Variants in SV2B observed in about 807,000 individuals in gnomAD.
SV2B encodes synaptic vesicle glycoprotein 2B.
SV2B carries 41 observed loss-of-function variants against 73.9 expected under a neutral mutation model. That is an observed-to-expected ratio of 0.56 (90% CI 0.43 to 0.72). The LOEUF (loss-of-function observed/expected upper bound fraction) is 0.72. SV2B is among the 30% of genes least tolerant of loss of function. SV2B has a pLI of 0.00. For synonymous variants in SV2B, 314 were observed against 314.2 expected (o/e 1.00, Z 0.01); for missense variants, 764 against 857.8 (o/e 0.89, Z 1.37).
At chr15:91,134,154 A>G (rs1279188136) in intron 1 of SV2B, among the ~76,000 whole-genome samples, 2 of 151,752 alleles carry the variant, frequency 1.3e-5, no homozygotes, top group Non-Finnish European at 2.9e-5. Flanking sequence ...GTGCACCACC[A>G]CGCCTGGCTA....
chr15:91,116,846 G>A (rs8032126), intron 1 of SV2B, among the ~76,000 whole-genome samples: 66,084 of 152,020 alleles, frequency 0.43, 15,369 homozygotes, highest in Middle Eastern at 0.49. Context: ...GCAAAGGAAG[G>A]GCAAAGGCAT....
At chr15:91,202,417 A>G (rs542828307) in intron 1 of SV2B, among the ~76,000 whole-genome samples, 3 of 152,348 alleles carry the variant, frequency 2.0e-5, no homozygotes, top group Admixed American at 6.5e-5. Flanking sequence ...ATTAGTCACT[A>G]TTATGTTTAT....
chr15:91,205,092 T>C (rs886927903), intron 1 of SV2B, among the ~76,000 whole-genome samples: 7 of 152,204 alleles, frequency 4.6e-5, no homozygotes, highest in Non-Finnish European at 1.0e-4. Flanking sequence ...AGTTTATCCA[T>C]CCTTATTTCT....
chr15:91,135,313 C>G (rs7180202), intron 1 of SV2B, among the ~76,000 whole-genome samples: 5,868 of 152,280 alleles, frequency 0.039, 390 homozygotes, highest in African/African-American at 0.13. Flanking sequence ...GAGGCAATAT[C>G]CACCCCTTTG....
At chr15:91,166,055 T>C (rs1719704783) in intron 1 of SV2B, among the ~76,000 whole-genome samples, 1 of 152,212 alleles carries the variant, frequency 6.6e-6, no homozygotes, top group African/African-American at 2.4e-5. Flanking sequence ...GCTTCCATGA[T>C]TTCTTGTGAG....
chr15:91,250,847 G>A (rs2047454984), intron 2 of SV2B, among the ~76,000 whole-genome samples: 1 of 152,122 alleles, frequency 6.6e-6, no homozygotes, highest in African/African-American at 2.4e-5. Context: ...TTTATGAATA[G>A]AAAGAATTAA....
Position 91,140,429 on chromosome 15 carries a change from C to A in SV2B, c.-392+40066C>A, listed in dbSNP as rs533420360. On this transcript the variant is annotated intron_variant, in intron 1 of 12. Coordinates refer to ENST00000394232, the MANE Select transcript of SV2B (RefSeq NM_001323032.3). This position sits in a 1 kb window ranked among gnomAD's most constrained non-coding sequence, Gnocchi z 4.4. The stretch of plus-strand genomic sequence containing the variant: ...CCAGAGGAGGAGAACAAAAATATCA[C>A]CTTCTCAAAGGAAGCTTTAATTAGG... Among the ~76,000 whole-genome samples the A allele has an allele frequency of 2.6e-5, 4 of 152,322 alleles. No individual in the cohort carries two copies. The South Asian group carries it at 8.3e-4, about 32-fold the overall frequency.
rs986514704 is a variant in SV2B at position 91,229,543 on chromosome 15, T to G, written c.451+2829T>G. Among the ~76,000 whole-genome samples, 1 of 152,164 alleles carries G rather than the reference T, an allele frequency of 6.6e-6. No homozygotes were observed. The highest frequency in any genetic ancestry group is 1.5e-5 in the Non-Finnish European group (1 of 68,024). On this transcript the variant is annotated intron_variant, in intron 2 of 12. Coordinates refer to ENST00000394232, the MANE Select transcript of SV2B (RefSeq NM_001323032.3). The surrounding 1 kb of genome is among the most constrained non-coding windows in gnomAD (Gnocchi z 4.3). ...TGGATTTGAATCCTTGCTGTGCCAGTTCTTAGTAGTGTGGTTTTGAGAAAG... is the reference window on the plus strand; with the variant it reads ...TGGATTTGAATCCTTGCTGTGCCAGGTCTTAGTAGTGTGGTTTTGAGAAAG...
Position 91,136,306 on chromosome 15 carries a change from G to C in SV2B, c.-392+35943G>C, listed in dbSNP as rs1455310962. ...AGTCGGGAGAGAGCGGCCGACCTCA[G>C]CAGGTTGCTGGAAGGTTTGATGTAG... On this transcript the variant is annotated intron_variant, in intron 1 of 12. Transcript: ENST00000394232. The surrounding 1 kb of genome is among the most constrained non-coding windows in gnomAD (Gnocchi z 5.6). Among the ~76,000 whole-genome samples, 1 of 152,190 alleles carries C rather than the reference G, an allele frequency of 6.6e-6. No homozygotes were observed. Among genetic ancestry groups the C allele is most frequent in the Non-Finnish European group, 1.5e-5 (1 of 68,032 alleles).
chr15:91,150,987 G>A (rs1258962679), intron 1 of SV2B, among the ~76,000 whole-genome samples: 3 of 152,146 alleles, frequency 2.0e-5, no homozygotes, highest in South Asian at 2.1e-4. Context: ...ACCCCCTTAC[G>A]CGTGTAGCCT....
chr15:91,156,132 G>T (rs2043483044), intron 1 of SV2B, among the ~76,000 whole-genome samples: 1 of 152,086 alleles, frequency 6.6e-6, no homozygotes, highest in Admixed American at 6.6e-5. Flanking sequence ...CTGGGGCTTG[G>T]GGATGAATGT....
Position 91,289,767 on chromosome 15 carries a change from A to G in SV2B, c.1868+87A>G. 1 of 1,413,486 alleles carries G rather than the reference A, an allele frequency of 7.1e-7. No individual in the cohort carries two copies. Among genetic ancestry groups the G allele is most frequent in the Non-Finnish European group, 9.6e-7 (1 of 1,045,586 alleles). The allele number at this position is 1,413,486 out of a possible 1,614,324, so 87.6% of individuals were successfully genotyped here. Reference sequence around the variant, plus strand: ...CTGCTCCCTAAATCTCATGCTGTGCATGGCCATCGTGGTCTTTCTGCTGTT... The same window carrying G: ...CTGCTCCCTAAATCTCATGCTGTGCGTGGCCATCGTGGTCTTTCTGCTGTT... On this transcript the variant is annotated intron_variant, in intron 12 of 12. Transcript: ENST00000394232. This position sits in a 1 kb window ranked among gnomAD's most constrained non-coding sequence, Gnocchi z 4.9.
In SV2B at chr15:91,296,086, A is replaced by G. The variant is rs2049212013; in HGVS notation, c.*3534A>G. ...ATTTTTTATCTTTATAAACCAGGTAAGGGAAATGATGCCCTTGCCCATTTT... is the reference window on the plus strand; with the variant it reads ...ATTTTTTATCTTTATAAACCAGGTAGGGGAAATGATGCCCTTGCCCATTTT... On this transcript the variant is annotated 3_prime_UTR_variant, in exon 13 of 13. Transcript: ENST00000394232. 1 of 152,082 alleles carries G rather than the reference A, an allele frequency of 6.6e-6. No homozygotes were observed. The highest frequency in any genetic ancestry group is 1.5e-5 in the Non-Finnish European group (1 of 68,022). The allele number at this position is 152,082 out of a possible 1,614,324, so 9.4% of individuals were successfully genotyped here.
rs773966252 is a variant in SV2B at position 91,234,131 on chromosome 15, G to A, written c.451+7417G>A. On this transcript the variant is annotated intron_variant, in intron 2 of 12. Coordinates refer to ENST00000394232, the MANE Select transcript of SV2B (RefSeq NM_001323032.3). This position sits in a 1 kb window ranked among gnomAD's most constrained non-coding sequence, Gnocchi z 5.6. ...AATGTGGCCCATAGTAAATGAAGTC[G>A]AAATGCCAGACCTATGTTGGTTTAT... Among the ~76,000 whole-genome samples, 8 of 152,188 alleles carry A rather than the reference G, an allele frequency of 5.3e-5. No homozygotes were observed. The highest frequency in any genetic ancestry group is 8.8e-5 in the Non-Finnish European group (6 of 68,032).
intron 9 of SV2B, among the ~76,000 whole-genome samples, chr15:91,276,805 G>GTTATTATTATTA (rs3082230): frequency 6.0e-3 from 552 of 92,110 alleles, no homozygotes; most frequent in African/African-American, 0.015. Context: ...TATTGTTGTT[G>GTTATTATTATTA]TTATTATTAT....
chr15:91,185,154 C>T (rs2044723052), intron 1 of SV2B, among the ~76,000 whole-genome samples: 1 of 152,214 alleles, frequency 6.6e-6, no homozygotes, highest in African/African-American at 2.4e-5. Context: ...TCACTGCAGC[C>T]TTGACCTCCC....
chr15:91,268,238 T>C lies in SV2B; in HGVS notation c.1209-203T>C, dbSNP rs1334591656. 1.3e-5 allele frequency among the ~76,000 whole-genome samples: 2 copies of C among 152,268 alleles called. No individual in the cohort carries two copies. Among genetic ancestry groups the C allele is most frequent in the Non-Finnish European group, 2.9e-5 (2 of 68,046 alleles). On this transcript the variant is annotated intron_variant, in intron 8 of 12. Transcript: ENST00000394232. This position sits in a 1 kb window ranked among gnomAD's most constrained non-coding sequence, Gnocchi z 4.4. ...AGGAAAACATTTCTTTTAAATCAAATGCCTTTTCAGCATTTATGGAGGTGG... is the reference window on the plus strand; with the variant it reads ...AGGAAAACATTTCTTTTAAATCAAACGCCTTTTCAGCATTTATGGAGGTGG...
At chr15:91,144,892 A>C (rs867622562) in intron 1 of SV2B, among the ~76,000 whole-genome samples, 1 of 123,988 alleles carries the variant, frequency 8.1e-6, no homozygotes, top group Non-Finnish European at 1.7e-5. Context: ...TGATGAAGAG[A>C]ACTGTTTTTT....
intron 2 of SV2B, among the ~76,000 whole-genome samples, chr15:91,249,521 A>C (rs56303595): frequency 0.35 from 53,312 of 152,134 alleles, 10,020 homozygotes; most frequent in African/African-American, 0.48. Context: ...TAATGTAAAG[A>C]GAAGGAATCT....
Sources: allele counts gnomAD v4.1 joint callset (sites outside exome capture counted in the v4.1 genomes callset), GRCh38; gene constraint gnomAD v4.1.1; non-coding constraint Gnocchi (gnomAD v3.1); transcripts MANE v1.5; gene names NCBI Gene and HGNC (gene_info 2026-07-23, HGNC 2026-07-21).